MCF2L2: variants seen among roughly 807,000 people sequenced by gnomAD.
MCF2L2 encodes the protein probable guanine nucleotide exchange factor MCF2L2.
MCF2L2 carries 102 observed loss-of-function variants against 150.2 expected under a neutral mutation model. The ratio of observed to expected loss-of-function variants is 0.68; its 90% CI spans 0.58 to 0.80. The LOEUF (loss-of-function observed/expected upper bound fraction) is 0.80, where lower values mean the gene tolerates loss of function less well. MCF2L2 is among the 30% of genes least tolerant of loss of function. The pLI, the probability that MCF2L2 is intolerant of heterozygous loss-of-function variation, is 0.00. For synonymous variants in MCF2L2, 465 were observed against 491.3 expected (o/e 0.95, Z 0.71); for missense variants, 1,256 against 1,372.8 (o/e 0.91, Z 1.34).
intron 15 of MCF2L2, among the ~76,000 whole-genome samples, chr3:183,232,981 C>T (rs543537064): frequency 6.6e-6 from 1 of 152,288 alleles, no homozygotes; most frequent in South Asian, 2.1e-4. Context: ...TAGGAATGTT[C>T]ATTGTTTATA....
intron 15 of MCF2L2, among the ~76,000 whole-genome samples, chr3:183,248,168 G>A (rs1724343576): frequency 6.6e-6 from 1 of 152,030 alleles, no homozygotes; most frequent in South Asian, 2.1e-4. Flanking sequence ...ATCTCTCTCA[G>A]AGATGTTGCT....
At chr3:183,203,979 AT>A (rs2108644747) in intron 25 of MCF2L2, among the ~76,000 whole-genome samples, 1 of 152,340 alleles carries the variant, frequency 6.6e-6, no homozygotes, top group South Asian at 2.1e-4. Flanking sequence ...CCTAAAGCCA[AT>A]TTATCTTCAA....
At chr3:183,309,108 AGTATGGG>A (rs1729240547) in intron 10 of MCF2L2, among the ~76,000 whole-genome samples, 1 of 152,234 alleles carries the variant, frequency 6.6e-6, no homozygotes, top group Non-Finnish European at 1.5e-5. Context: ...GTTTAATTCC[AGTATGGG>A]ACTGTAAAAT....
intron 10 of MCF2L2, among the ~76,000 whole-genome samples, chr3:183,303,655 C>T (rs73184926): frequency 0.18 from 27,317 of 152,184 alleles, 2,980 homozygotes; most frequent in East Asian, 0.37. Context: ...ATCTCTGCCA[C>T]CTCCTTGTCA....
chr3:183,394,217 A>G (rs1714321095), intron 1 of MCF2L2, among the ~76,000 whole-genome samples: 1 of 152,240 alleles, frequency 6.6e-6, no homozygotes, highest in South Asian at 2.1e-4. Context: ...ACGCGTAACA[A>G]GCCATGAACC....
intron 10 of MCF2L2, among the ~76,000 whole-genome samples, chr3:183,303,729 C>G (rs1240243613): frequency 6.6e-6 from 1 of 152,120 alleles, no homozygotes; most frequent in African/African-American, 2.4e-5. Context: ...TCTTCAGGCT[C>G]TCCTTCAAAT....
intron 5 of MCF2L2, among the ~76,000 whole-genome samples, chr3:183,335,866 T>C (rs571981970): frequency 6.6e-6 from 1 of 152,030 alleles, no homozygotes; most frequent in African/African-American, 2.4e-5. Context: ...ATCTCTAAAA[T>C]CAAAACAAAA....
intron 21 of MCF2L2, 58 bp downstream of exon 21, chr3:183,219,798 C>A: frequency 1.7e-6 from 2 of 1,156,848 alleles, no homozygotes; most frequent in Non-Finnish European, 1.3e-6. Flanking sequence ...TCCTCCGACC[C>A]ATAGACAAAC....
chr3:183,294,634 T>TATA (rs376615455), intron 13 of MCF2L2, among the ~76,000 whole-genome samples: 169 of 93,322 alleles, frequency 1.8e-3, no homozygotes, highest in African/African-American at 6.2e-3. Context: ...TATATATATA[T>TATA]TTTTTTTTTT....
intron 3 of MCF2L2, among the ~76,000 whole-genome samples, chr3:183,364,879 C>T (rs955315039): frequency 2.0e-5 from 3 of 152,098 alleles, no homozygotes; most frequent in Non-Finnish European, 2.9e-5. Context: ...TTTAGCTGAA[C>T]GTTATCAAGG....
chr3:183,250,608 A>C (rs77736570), intron 15 of MCF2L2, among the ~76,000 whole-genome samples: 1 of 151,734 alleles, frequency 6.6e-6, no homozygotes, highest in Non-Finnish European at 1.5e-5. Flanking sequence ...AAAAAAAAAA[A>C]GAAAGAAATG....
In MCF2L2 at chr3:183,338,936, A is replaced by C; in HGVS notation, c.367-17T>G. The C allele has an allele frequency of 6.3e-7, 1 of 1,592,370 alleles. No homozygotes were observed. The highest frequency in any genetic ancestry group is 8.6e-7 in the Non-Finnish European group (1 of 1,164,428). ...AAATGCCACCTGCAAGCATCAGGAA[A>C]AGTGTCAGGAGGAGAGAGAAAAATG... On this transcript the variant is annotated splice_polypyrimidine_tract_variant and intron_variant, in intron 4 of 29. Coordinates refer to ENST00000328913, the MANE Select transcript of MCF2L2 (RefSeq NM_015078.4).
intron 1 of MCF2L2, among the ~76,000 whole-genome samples, chr3:183,417,847 A>G (rs577823901): frequency 6.6e-6 from 1 of 152,306 alleles, no homozygotes; most frequent in South Asian, 2.1e-4. Context: ...GAAGCAAAGC[A>G]TATGTTTACA....
intron 27 of MCF2L2, among the ~76,000 whole-genome samples, chr3:183,182,147 C>T (rs143579583): frequency 1.3e-5 from 2 of 152,294 alleles, no homozygotes; most frequent in East Asian, 3.9e-4. Context: ...TTTCCTCTAG[C>T]CCATTCCCTG....
At chr3:183,396,435 A>G (rs1378868568) in intron 1 of MCF2L2, among the ~76,000 whole-genome samples, 2 of 152,238 alleles carry the variant, frequency 1.3e-5, no homozygotes, top group South Asian at 2.1e-4. Flanking sequence ...CCAAGCATCA[A>G]TGCTCTTAGT....
chr3:183,405,895 T>C (rs1156653326), intron 1 of MCF2L2, among the ~76,000 whole-genome samples: 1 of 152,164 alleles, frequency 6.6e-6, no homozygotes, highest in Non-Finnish European at 1.5e-5. Flanking sequence ...TTTGTATTTT[T>C]AGCAGAGACA....
rs1221335956 is a variant in MCF2L2, at chr3:183,323,283, T to C, written c.555A>G (p.Leu185=). The change falls in exon 6 of 30, where the codon TTA becomes TTG. Residue 185 remains leucine, a synonymous_variant. Transcript: ENST00000328913. ...YIDKSQLTRE[L]GGTLEYRHGQ... is the part of the protein sequence containing the mutation. The stretch of plus-strand genomic sequence containing the variant: ...CGTGGCGATATTCCAAAGTCCCCCC[T>C]AATTCCCGGGTCAGTTGGCTTTTGT... 5 of 1,613,884 alleles carry C rather than the reference T, an allele frequency of 3.1e-6. No homozygotes were observed. In the South Asian group the frequency reaches 5.5e-5, roughly 18 times the overall value.
chr3:183,400,808 G>A (rs1714712483), intron 1 of MCF2L2, among the ~76,000 whole-genome samples: 2 of 151,208 alleles, frequency 1.3e-5, no homozygotes, highest in South Asian at 4.2e-4. Context: ...CAGGCCACCA[G>A]ATACTTAAAA....
intron 13 of MCF2L2, among the ~76,000 whole-genome samples, chr3:183,294,107 G>C (rs1728320648): frequency 6.6e-6 from 1 of 152,082 alleles, no homozygotes; most frequent in Non-Finnish European, 1.5e-5. Context: ...ACCTAAAATA[G>C]CCAAAACAAC....
Sources: gnomAD v4.1 joint callset for allele counts (sites outside exome capture counted in the v4.1 genomes callset) on GRCh38, gnomAD v4.1.1 for gene constraint, MANE v1.5 for transcripts, NCBI Gene and HGNC (gene_info 2026-07-23, HGNC 2026-07-21) for gene names.